The following ATXN7 variants were observed in gnomAD, a reference collection of about 807,000 sequenced individuals.
The protein encoded by ATXN7 is ataxin 7.
In ATXN7, 12 loss-of-function variants were observed where a neutral mutation model predicts 70.5. The observed-to-expected ratio is 0.17, with a 90% CI of 0.11 to 0.28. The LOEUF (loss-of-function observed/expected upper bound fraction) is 0.28, where lower values mean the gene tolerates loss of function less well. Among genes scored for constraint, ATXN7 ranks in the 10% least tolerant of loss-of-function variants. The probability of loss-of-function intolerance (pLI) is 1.00; values close to 1 mark genes in which losing one functional copy is unlikely to be tolerated. For synonymous variants in ATXN7, 498 were observed against 448.7 expected, an observed-to-expected ratio of 1.11 and a Z score of -1.39; for missense variants, 1,256 against 1,131.7, an observed-to-expected ratio of 1.11 and a Z score of -1.58.
At chr3:63,889,424 C>T (rs574840147) in intron 1 of ATXN7, among the ~76,000 whole-genome samples, 2 of 152,226 alleles carry the variant, frequency 1.3e-5, no homozygotes, top group South Asian at 4.1e-4. Flanking sequence ...AAGCTTATGT[C>T]ACAGAATTGT....
In ATXN7 at chr3:63,996,109, A is replaced by G. The variant is rs2106805227; in HGVS notation, c.2287A>G (p.Asn763Asp). Residue 763 changes from asparagine (N) to aspartate (D), a missense_variant, in exon 12 of 13, where the codon AAT (asparagine) becomes GAT (aspartate). Physicochemically the swap from Asn to Asp is conservative, Grantham distance 23. Transcript: ENST00000674280. ...SHSIGLNCVT[N>D]KANAVNVRHD... The stretch of plus-strand genomic sequence containing the variant: ...TAGCATCGGCCTCAACTGTGTGACG[A>G]ATAAAGCAAATGCGGTGAACGTCCG... The G allele has an allele frequency of 6.2e-7, 1 of 1,614,204 alleles. No homozygotes were observed. Among genetic ancestry groups the G allele is most frequent in the Admixed American group, 1.7e-5 (1 of 60,030 alleles).
At chr3:63,887,448 A>G (rs1014416713) in intron 1 of ATXN7, among the ~76,000 whole-genome samples, 9 of 152,228 alleles carry the variant, frequency 5.9e-5, no homozygotes, top group Non-Finnish European at 1.3e-4. Flanking sequence ...ACATAAGTCT[A>G]ATAATATATT....
At chr3:63,867,907 T>C (rs568353764) in intron 1 of ATXN7, among the ~76,000 whole-genome samples, 2 of 152,048 alleles carry the variant, frequency 1.3e-5, no homozygotes, top group East Asian at 1.9e-4. Context: ...AACAAACAAA[T>C]AAATAAATAA....
chr3:63,987,982 A>G, intron 8 of ATXN7, 77 bp from the exon 9 acceptor site: 1 of 1,527,240 alleles, frequency 6.5e-7, no homozygotes, highest in Non-Finnish European at 8.9e-7. Flanking sequence ...ATTTATTGGG[A>G]GTGGTGTTTT....
At chr3:63,927,351 G>A (rs1027342087) in intron 4 of ATXN7, among the ~76,000 whole-genome samples, 7 of 152,136 alleles carry the variant, frequency 4.6e-5, no homozygotes, top group African/African-American at 1.7e-4. Flanking sequence ...TGTTAGATTT[G>A]GGGTATAAAT....
chr3:63,975,188 A>G (rs2075372367), intron 5 of ATXN7, among the ~76,000 whole-genome samples: 1 of 152,236 alleles, frequency 6.6e-6, no homozygotes, highest in South Asian at 2.1e-4. Context: ...AAGATATTTA[A>G]TTCAGGTTCT....
At chr3:63,980,346 T>A in intron 6 of ATXN7, 179 bp downstream of exon 6, 1 of 799,310 alleles carries the variant, frequency 1.3e-6, no homozygotes, top group Non-Finnish European at 1.9e-6. Flanking sequence ...CTTTTCAGAG[T>A]AGTAATAGCA....
chr3:63,893,531 GT>G (rs1703350104), intron 1 of ATXN7, among the ~76,000 whole-genome samples: 1 of 152,174 alleles, frequency 6.6e-6, no homozygotes, highest in East Asian at 1.9e-4. Context: ...ACTGAACATT[GT>G]GTAGGTATAT....
chr3:63,938,815 T>A (rs1559639210), intron 4 of ATXN7, among the ~76,000 whole-genome samples: 3 of 152,240 alleles, frequency 2.0e-5, no homozygotes, highest in African/African-American at 4.8e-5. Context: ...TCTTTATTTT[T>A]ATTGTAACTT....
chr3:63,896,386 A>G (rs1475876770), intron 1 of ATXN7, among the ~76,000 whole-genome samples: 2 of 152,198 alleles, frequency 1.3e-5, no homozygotes, highest in African/African-American at 4.8e-5. Flanking sequence ...TTCCAAGTCT[A>G]TTTAAAATGA....
intron 5 of ATXN7, among the ~76,000 whole-genome samples, chr3:63,962,466 G>A (rs1267795888): frequency 6.6e-6 from 1 of 151,948 alleles, no homozygotes. Context: ...GTACAGTGGT[G>A]CAATCTCAGC....
At chr3:63,964,233 T>C (rs1290497797) in intron 5 of ATXN7, among the ~76,000 whole-genome samples, 7 of 152,186 alleles carry the variant, frequency 4.6e-5, no homozygotes, top group Non-Finnish European at 8.8e-5. Context: ...TAAACAATTA[T>C]AGGCAGTTTC....
intron 2 of ATXN7, among the ~76,000 whole-genome samples, chr3:63,906,853 A>G (rs1241958400): frequency 2.0e-5 from 3 of 152,252 alleles, no homozygotes; most frequent in African/African-American, 7.2e-5. Context: ...TGCAGGAGGC[A>G]ACTGAACAGT....
intron 4 of ATXN7, among the ~76,000 whole-genome samples, chr3:63,950,695 T>C (rs1331228402): frequency 6.6e-6 from 1 of 152,208 alleles, no homozygotes; most frequent in African/African-American, 2.4e-5. Context: ...TGTATATCAT[T>C]GCATAGATAT....
intron 9 of ATXN7, among the ~76,000 whole-genome samples, chr3:63,989,089 A>G (rs1434026661): frequency 1.3e-5 from 2 of 152,336 alleles, no homozygotes; most frequent in Admixed American, 6.5e-5. Flanking sequence ...GATCTTTAAA[A>G]TGGTTGCATA....
Position 63,994,329 on chromosome 3 carries a change from G to A in ATXN7, c.1683-1176G>A, listed in dbSNP as rs529666591. 3.3e-5 allele frequency among the ~76,000 whole-genome samples: 5 copies of A among 152,194 alleles called. No individual in the cohort carries two copies. In the South Asian group the frequency reaches 1.0e-3, roughly 32 times the overall value. Reference sequence around the variant, plus strand: ...AGCTCACTGTGACCTCCACCTCCCCGGTTCAAGCGATTCTCCTGCCTCAGC... The same window carrying A: ...AGCTCACTGTGACCTCCACCTCCCCAGTTCAAGCGATTCTCCTGCCTCAGC... On this transcript the variant is annotated intron_variant, in intron 11 of 12. Transcript: ENST00000674280.
chr3:63,872,810 G>A (rs563761611), intron 1 of ATXN7, among the ~76,000 whole-genome samples: 1 of 152,184 alleles, frequency 6.6e-6, no homozygotes, highest in Admixed American at 6.5e-5. Flanking sequence ...ATGGTTTCCT[G>A]TGTTACCTCT....
rs2075834047 is a variant in ATXN7, at chr3:64,001,608, G to C, written c.*2141G>C. On this transcript the variant is annotated 3_prime_UTR_variant, in exon 13 of 13. Coordinates refer to ENST00000674280, the MANE Select transcript of ATXN7 (RefSeq NM_001377405.1). ...TGATTCAGACTAATGTAGATATTTA[G>C]ATTAGCAAGTATTGAACATTTGATT... 6.6e-6 allele frequency: 1 copy of C among 152,186 alleles called. No individual in the cohort carries two copies. Among genetic ancestry groups the C allele is most frequent in the African/African-American group, 2.4e-5 (1 of 41,434 alleles). 9.4% of individuals were successfully genotyped at this position (152,186 alleles called of 1,614,324 possible).
At chr3:63,863,745 C>A (rs1394818304), upstream of ATXN7, 2 of 1,249,248 alleles carry the variant, frequency 1.6e-6, no homozygotes, top group East Asian at 3.1e-5. Flanking sequence ...GTGCAGCGGG[C>A]GCGTGTGGCG....
Sources: gnomAD v4.1 joint callset for allele counts (sites outside exome capture counted in the v4.1 genomes callset) on GRCh38, gnomAD v4.1.1 for gene constraint, MANE v1.5 for transcripts, NCBI Gene and HGNC (gene_info 2026-07-23, HGNC 2026-07-21) for gene names.